Variants in BCL11B observed in about 807,000 individuals in gnomAD.
The protein encoded by BCL11B is BCL11 transcription factor B.
A neutral mutation model predicts 49.9 loss-of-function variants in BCL11B; 8 were observed. The ratio of observed to expected loss-of-function variants is 0.16; its 90% CI spans 0.09 to 0.29. BCL11B has a LOEUF of 0.29. Among genes scored for constraint, BCL11B ranks in the 10% least tolerant of loss-of-function variants. The pLI, the probability that BCL11B is intolerant of heterozygous loss-of-function variation, is 1.00. For synonymous variants in BCL11B, 739 were observed against 637.4 expected (o/e 1.16, Z -2.40); for missense variants, 1,006 against 1,351.0 (o/e 0.74, Z 4.00).
chr14:99,211,933 G>A (rs1887700879), intron 3 of BCL11B, among the ~76,000 whole-genome samples: 1 of 151,954 alleles, frequency 6.6e-6, no homozygotes, highest in African/African-American at 2.4e-5. Context: ...CTTGATACAA[G>A]TAAATGAACT....
chr14:99,207,952 T>A (rs1887580787), intron 3 of BCL11B, among the ~76,000 whole-genome samples: 1 of 151,988 alleles, frequency 6.6e-6, no homozygotes, highest in Non-Finnish European at 1.5e-5. Flanking sequence ...TGAGTCTCCA[T>A]CTCCCCACAC....
At chr14:99,255,232 A>G (rs948936285) in intron 2 of BCL11B, among the ~76,000 whole-genome samples, 8 of 152,178 alleles carry the variant, frequency 5.3e-5, no homozygotes, top group African/African-American at 1.7e-4. Flanking sequence ...GATTAAAATA[A>G]CATTTTAAAT....
chr14:99,218,403 C>G (rs1379480931), intron 3 of BCL11B, among the ~76,000 whole-genome samples: 1 of 151,836 alleles, frequency 6.6e-6, no homozygotes, highest in Non-Finnish European at 1.5e-5. Context: ...AGCCATCTCC[C>G]CGCCCTATCG....
rs1595244556 is a variant in BCL11B at position 99,205,514 on chromosome 14, C to T, written c.640+25831G>A. On this transcript the variant is annotated intron_variant, in intron 3 of 3. Coordinates refer to ENST00000357195, the MANE Select transcript of BCL11B (RefSeq NM_138576.4). This position sits in a 1 kb window ranked among gnomAD's most constrained non-coding sequence, Gnocchi z 5.0. ...GCATGCCAGGAAAGGGGAGGAGCGA[C>T]GTGAGGACCTCCTGTGTCACCCTGT... Among the ~76,000 whole-genome samples, 1 of 152,164 alleles carries T rather than the reference C, an allele frequency of 6.6e-6. No individual in the cohort carries two copies. The highest frequency in any genetic ancestry group is 1.5e-5 in the Non-Finnish European group (1 of 68,026).
At position 99,175,223 on chromosome 14, in the gene BCL11B, T is replaced by C; in HGVS notation, c.1613A>G (p.Glu538Gly). 1 of 1,551,070 alleles carries C rather than the reference T, an allele frequency of 6.4e-7. No homozygotes were observed. Among genetic ancestry groups the C allele is most frequent in the Non-Finnish European group, 8.7e-7 (1 of 1,150,768 alleles). ...HEPEEEDEEEEEEEEELLLEN... is the reference protein window; with the variant it reads ...HEPEEEDEEEGEEEEELLLEN... Reference sequence around the variant, plus strand: ...CAGTAGCAGCTCCTCCTCCTCCTCCTCCTCCTCCTCGTCCTCCTCCTCCGG... The same window carrying C: ...CAGTAGCAGCTCCTCCTCCTCCTCCCCCTCCTCCTCGTCCTCCTCCTCCGG... Residue 538 changes from glutamate (E) to glycine (G), a missense_variant, in exon 4 of 4, where the codon GAG (glutamate) becomes GGG (glycine). Coordinates refer to ENST00000357195, the MANE Select transcript of BCL11B (RefSeq NM_138576.4).
chr14:99,173,554 C>CAA lies in BCL11B; in HGVS notation c.*595_*596dup, dbSNP rs59537098. 214 of 172,592 alleles carry CAA rather than the reference C, an allele frequency of 1.2e-3. No homozygotes were observed. The highest frequency in any genetic ancestry group is 6.3e-3 in the Middle Eastern group (3 of 480). The allele number at this position is 172,592 out of a possible 1,614,324, so 10.7% of individuals were successfully genotyped here. A position where few individuals can be genotyped will look rare whatever the true frequency, so the allele number is the denominator to read the frequency against. ...CACCCCCCACCCCAAAAACAAAAACCAAAAAAAAAATTAAAAAATAATTAA... is the reference window on the plus strand; with the variant it reads ...CACCCCCCACCCCAAAAACAAAAACCAAAAAAAAAAAATTAAAAAATAATTAA... On this transcript the variant is annotated 3_prime_UTR_variant, in exon 4 of 4. Transcript: ENST00000357195.
chr14:99,173,195 C>A lies in BCL11B; in HGVS notation c.*956G>T. On this transcript the variant is annotated 3_prime_UTR_variant, in exon 4 of 4. Coordinates refer to ENST00000357195, the MANE Select transcript of BCL11B (RefSeq NM_138576.4). ...CCACCCCATCTCCCCAAAAAGGTAC[C>A]CTCAGCCCATTTTATGTAGCCTAAT... 4.4e-6 allele frequency: 1 copy of A among 229,650 alleles called. No homozygotes were observed. Among genetic ancestry groups the A allele is most frequent in the African/African-American group, 2.2e-5 (1 of 45,202 alleles). 14.2% of individuals were successfully genotyped at this position (229,650 alleles called of 1,614,324 possible).
intron 3 of BCL11B, among the ~76,000 whole-genome samples, chr14:99,191,474 A>G (rs1198143987): frequency 1.3e-5 from 2 of 152,074 alleles, no homozygotes; most frequent in Non-Finnish European, 2.9e-5. Context: ...AAAGAGGTGG[A>G]GAGAATTGAA....
At chr14:99,235,440 A>C (rs147268786) in intron 2 of BCL11B, among the ~76,000 whole-genome samples, 1 of 152,198 alleles carries the variant, frequency 6.6e-6, no homozygotes, top group Non-Finnish European at 1.5e-5. Flanking sequence ...CAAGACATTA[A>C]TTCTCACAAG....
Position 99,194,096 on chromosome 14 carries a change from T to C in BCL11B, c.641-17901A>G, listed in dbSNP as rs1887113139. On this transcript the variant is annotated intron_variant, in intron 3 of 3. Transcript: ENST00000357195. This position sits in a 1 kb window ranked among gnomAD's most constrained non-coding sequence, Gnocchi z 4.6. The stretch of plus-strand genomic sequence containing the variant: ...AGTGATTTTGCAAGGAATGGGAATG[T>C]CGTGAGAAACGTGCATGACCCCACA... Among the ~76,000 whole-genome samples, 1 of 152,166 alleles carries C rather than the reference T, an allele frequency of 6.6e-6. No homozygotes were observed. The highest frequency in any genetic ancestry group is 2.4e-5 in the African/African-American group (1 of 41,446).
Position 99,171,891 on chromosome 14 carries a change from G to C in BCL11B, c.*2260C>G, listed in dbSNP as rs949808200. On this transcript the variant is annotated 3_prime_UTR_variant, in exon 4 of 4. Coordinates refer to ENST00000357195, the MANE Select transcript of BCL11B (RefSeq NM_138576.4). ...TTTTTCTTGTTTTGTAAAATGCCCA[G>C]GCATTCTCGATTATTACAAATACTG... 9.9e-6 allele frequency: 2 copies of C among 202,394 alleles called. No homozygotes were observed. The highest frequency in any genetic ancestry group is 4.6e-5 in the African/African-American group (2 of 43,350). 12.5% of individuals were successfully genotyped at this position (202,394 alleles called of 1,614,324 possible). A position where few individuals can be genotyped will look rare whatever the true frequency, so the allele number is the denominator to read the frequency against.
chr14:99,200,219 G>A (rs749868647), intron 3 of BCL11B, among the ~76,000 whole-genome samples: 12 of 152,162 alleles, frequency 7.9e-5, no homozygotes, highest in Non-Finnish European at 8.8e-5. Context: ...GTCCGCAGCC[G>A]AGAGAAGAGC....
rs1396559523 is a variant in BCL11B at position 99,248,101 on chromosome 14, C to CT, written c.427+9369dup. 6.6e-6 allele frequency among the ~76,000 whole-genome samples: 1 copy of CT among 152,102 alleles called. No individual in the cohort carries two copies. Among genetic ancestry groups the CT allele is most frequent in the Non-Finnish European group, 1.5e-5 (1 of 68,016 alleles). ...GCTGTGGTCCCAGTTTCCCAGCTGT[C>CT]TGAGCAGCGAGGGGCAGATGCTTTC... On this transcript the variant is annotated intron_variant, in intron 2 of 3. Coordinates refer to ENST00000357195, the MANE Select transcript of BCL11B (RefSeq NM_138576.4). The surrounding 1 kb of genome is among the most constrained non-coding windows in gnomAD (Gnocchi z 4.7).
chr14:99,261,225 T>G (rs1889328302), intron 1 of BCL11B, among the ~76,000 whole-genome samples: 1 of 152,154 alleles, frequency 6.6e-6, no homozygotes, highest in Non-Finnish European at 1.5e-5. Flanking sequence ...GCCTGAAAGC[T>G]CACGTTCAAG....
chr14:99,214,748 G>A lies in BCL11B; in HGVS notation c.640+16597C>T, dbSNP rs535450861. ...TGGGAGCATGGGGACCCGGCAGGAC[G>A]GTGCTGTTCTGCCTCTTTACCTTCC... On this transcript the variant is annotated intron_variant, in intron 3 of 3. Transcript: ENST00000357195. Among the ~76,000 whole-genome samples, 5 of 152,198 alleles carry A rather than the reference G, an allele frequency of 3.3e-5. No homozygotes were observed. In the South Asian group the frequency reaches 6.2e-4, roughly 19 times the overall value.
intron 3 of BCL11B, among the ~76,000 whole-genome samples, chr14:99,219,830 T>C (rs1341184869): frequency 1.3e-5 from 2 of 149,222 alleles, no homozygotes; most frequent in Non-Finnish European, 3.0e-5. Context: ...AAAAAAGCTG[T>C]CCTGGGAGAC....
At chr14:99,186,224 T>G (rs1257424) in intron 3 of BCL11B, among the ~76,000 whole-genome samples, 109,697 of 152,224 alleles carry the variant, frequency 0.72, 41,019 homozygotes, top group African/African-American at 0.93. Context: ...TCATTCAGAA[T>G]GGAAAATAAG....
chr14:99,206,012 A>T (rs1257663381), intron 3 of BCL11B, among the ~76,000 whole-genome samples: 1 of 152,130 alleles, frequency 6.6e-6, no homozygotes, highest in Non-Finnish European at 1.5e-5. Context: ...GGCTTTGGGG[A>T]AGGAACACCT....
intron 2 of BCL11B, among the ~76,000 whole-genome samples, chr14:99,236,234 C>T (rs1888494089): frequency 6.6e-6 from 1 of 152,108 alleles, no homozygotes; most frequent in Non-Finnish European, 1.5e-5. Context: ...TAACCCAATT[C>T]GCACGCGGGC....
Sources: allele counts gnomAD v4.1 joint callset (sites outside exome capture counted in the v4.1 genomes callset), GRCh38; gene constraint gnomAD v4.1.1; non-coding constraint Gnocchi (gnomAD v3.1); transcripts MANE v1.5; gene names NCBI Gene and HGNC (gene_info 2026-07-23, HGNC 2026-07-21).